Variants in PCDHGB5 observed in about 807,000 individuals in gnomAD.
PCDHGB5 encodes the protein protocadherin gamma-B5.
A neutral mutation model predicts 62.9 loss-of-function variants in PCDHGB5; 48 were observed. The observed-to-expected ratio is 0.76, with a 90% CI of 0.61 to 0.97. The LOEUF is 0.97. Ranked by LOEUF, PCDHGB5 falls within the 50% of genes least tolerant of loss-of-function variation. The pLI, the probability that PCDHGB5 is intolerant of heterozygous loss-of-function variation, is 0.00. For synonymous variants in PCDHGB5, 474 were observed against 511.2 expected (o/e 0.93, Z 0.98); for missense variants, 1,118 against 1,198.6 (o/e 0.93, Z 0.99).
intron 1 of PCDHGB5, among the ~76,000 whole-genome samples, chr5:141,480,976 T>G (rs1485868136): frequency 6.6e-6 from 1 of 152,108 alleles, no homozygotes; most frequent in Non-Finnish European, 1.5e-5. Context: ...GGAGAATCAG[T>G]GAACCCAGGA....
chr5:141,426,270 G>A lies in PCDHGB5; in HGVS notation c.2397+25746G>A, dbSNP rs999517850. On this transcript the variant is annotated intron_variant, in intron 1 of 3. Coordinates refer to ENST00000617380, the MANE Select transcript of PCDHGB5 (RefSeq NM_018925.3). Reference sequence around the variant, plus strand: ...TTTTCTCTTAACGTCGGAGACTGCAGCAACGCATGGGAAGGATGGGAAACA... The same window carrying A: ...TTTTCTCTTAACGTCGGAGACTGCAACAACGCATGGGAAGGATGGGAAACA... 2.6e-4 allele frequency: 43 copies of A among 163,626 alleles called. 1 individual carries two copies. The highest frequency in any genetic ancestry group is 3.0e-3 in the Middle Eastern group (1 of 328). 10.1% of individuals were successfully genotyped at this position (163,626 alleles called of 1,614,324 possible).
At chr5:141,502,534 C>T (rs565889110) in intron 2 of PCDHGB5, among the ~76,000 whole-genome samples, 10 of 152,074 alleles carry the variant, frequency 6.6e-5, no homozygotes, top group Non-Finnish European at 1.0e-4. Context: ...CGAGTTTGTT[C>T]GTGTGGTAAA....
In PCDHGB5 at chr5:141,478,182, A is replaced by T. The variant is rs777228133; in HGVS notation, c.2398-16625A>T. The T allele has an allele frequency of 5.0e-6, 8 of 1,613,866 alleles. No individual in the cohort carries two copies. In the South Asian group the frequency reaches 8.8e-5, roughly 18 times the overall value. ...TCTGCCCCCCGGGAGCAGAAAAAAA[A>T]TCTCACCTTTTATCTACTTCTTTCT... is the stretch of plus-strand genomic sequence containing the variant. On this transcript the variant is annotated intron_variant, in intron 1 of 3. Transcript: ENST00000617380.
intron 1 of PCDHGB5, chr5:141,413,303 T>G (rs772421197): frequency 6.8e-6 from 11 of 1,613,942 alleles, no homozygotes; most frequent in Middle Eastern, 3.3e-4. Flanking sequence ...CCTGAGGAAT[T>G]AGAGAAAGGC....
chr5:141,497,957 A>G (rs2099780682), intron 2 of PCDHGB5, among the ~76,000 whole-genome samples: 1 of 152,242 alleles, frequency 6.6e-6, no homozygotes, highest in Non-Finnish European at 1.5e-5. Flanking sequence ...TCTGTTGGCC[A>G]GGCAGTGTTC....
intron 1 of PCDHGB5, chr5:141,405,402 C>T: frequency 6.3e-7 from 1 of 1,589,724 alleles, no homozygotes; most frequent in Non-Finnish European, 8.6e-7. Flanking sequence ...TTCTTTCTTT[C>T]TTTTCTTTTT....
Position 141,476,788 on chromosome 5 carries a change from C to G in PCDHGB5, c.2398-18019C>G. 1 of 1,613,478 alleles carries G rather than the reference C, an allele frequency of 6.2e-7. No homozygotes were observed. Among genetic ancestry groups the G allele is most frequent in the Non-Finnish European group, 8.5e-7 (1 of 1,180,032 alleles). ...CGTTGGACGGAGGGACCCCAGCTCT[C>G]TCCGCCAGCCTGCCTATTCACATCA... On this transcript the variant is annotated intron_variant, in intron 1 of 3. Coordinates refer to ENST00000617380, the MANE Select transcript of PCDHGB5 (RefSeq NM_018925.3). This position sits in a 1 kb window ranked among gnomAD's most constrained non-coding sequence, Gnocchi z 7.6.
chr5:141,413,045 G>A, intron 1 of PCDHGB5: 1 of 894,362 alleles, frequency 1.1e-6, no homozygotes, highest in South Asian at 1.9e-5. Flanking sequence ...CTGGGCTGCA[G>A]GGAAGCTCAC....
chr5:141,457,410 C>G (rs746966828), intron 1 of PCDHGB5, among the ~76,000 whole-genome samples: 1 of 152,182 alleles, frequency 6.6e-6, no homozygotes, highest in Non-Finnish European at 1.5e-5. Context: ...TTTCACATTA[C>G]CCATCCCTTT....
intron 1 of PCDHGB5, chr5:141,408,066 G>T: frequency 7.3e-7 from 1 of 1,364,656 alleles, no homozygotes; most frequent in Non-Finnish European, 9.7e-7. Flanking sequence ...CGGCTGCGCA[G>T]ACCTTTCCCA....
chr5:141,466,885 G>A (rs997982577), intron 1 of PCDHGB5, among the ~76,000 whole-genome samples: 3 of 151,938 alleles, frequency 2.0e-5, no homozygotes, highest in Non-Finnish European at 4.4e-5. Context: ...TTCATAATAT[G>A]CATTTTCCAT....
intron 1 of PCDHGB5, chr5:141,419,835 C>T: frequency 1.2e-6 from 2 of 1,614,084 alleles, no homozygotes; most frequent in African/African-American, 1.3e-5. Flanking sequence ...GCCACTGCCA[C>T]GCTGCACCTG....
At chr5:141,460,724 A>C (rs1294708205) in intron 1 of PCDHGB5, among the ~76,000 whole-genome samples, 1 of 152,114 alleles carries the variant, frequency 6.6e-6, no homozygotes, top group African/African-American at 2.4e-5. Context: ...TGTTATAAGC[A>C]TATATACACA....
At chr5:141,419,471 G>A in intron 1 of PCDHGB5, 1 of 1,612,462 alleles carries the variant, frequency 6.2e-7, no homozygotes, top group Non-Finnish European at 8.5e-7. Context: ...CCGCGACCAG[G>A]GCTCGCCCGC....
chr5:141,462,070 G>C lies in PCDHGB5; in HGVS notation c.2398-32737G>C, dbSNP rs572217894. Among the ~76,000 whole-genome samples, 18 of 152,196 alleles carry C rather than the reference G, an allele frequency of 1.2e-4. No individual in the cohort carries two copies. In the South Asian group the frequency reaches 3.7e-3, roughly 32 times the overall value. On this transcript the variant is annotated intron_variant, in intron 1 of 3. Coordinates refer to ENST00000617380, the MANE Select transcript of PCDHGB5 (RefSeq NM_018925.3). ...ACTCCCGACCTCAGGTGATCTGCCC[G>C]CCTTGGCCTCCCAAAATGCTGGGAT...
intron 1 of PCDHGB5, among the ~76,000 whole-genome samples, chr5:141,401,908 T>C (rs942184637): frequency 1.3e-5 from 2 of 152,238 alleles, no homozygotes; most frequent in Admixed American, 1.3e-4. Flanking sequence ...CAAATTATTA[T>C]ATAAGTTTAA....
chr5:141,476,421 C>T lies in PCDHGB5; in HGVS notation c.2398-18386C>T, dbSNP rs765688262. On this transcript the variant is annotated intron_variant, in intron 1 of 3. Coordinates refer to ENST00000617380, the MANE Select transcript of PCDHGB5 (RefSeq NM_018925.3). The surrounding 1 kb of genome is among the most constrained non-coding windows in gnomAD (Gnocchi z 7.6). ...CGAGAGGAGCTGTGTGGGACACTGC[C>T]CTCTTGCACTGTAACTCTGGAGTTG... 1 of 1,614,026 alleles carries T rather than the reference C, an allele frequency of 6.2e-7. No homozygotes were observed. The highest frequency in any genetic ancestry group is 8.5e-7 in the Non-Finnish European group (1 of 1,179,994).
Position 141,486,087 on chromosome 5 carries a change from T to G in PCDHGB5, c.2398-8720T>G. 4 of 1,614,176 alleles carry G rather than the reference T, an allele frequency of 2.5e-6. No individual in the cohort carries two copies. The highest frequency in any genetic ancestry group is 3.4e-6 in the Non-Finnish European group (4 of 1,180,028). ...CCCACTACTGGAAAGCTTACTCTTT[T>G]GGGGCCCCTAGACTTTGAGAGTGAG... On this transcript the variant is annotated intron_variant, in intron 1 of 3. Coordinates refer to ENST00000617380, the MANE Select transcript of PCDHGB5 (RefSeq NM_018925.3). This position sits in a 1 kb window ranked among gnomAD's most constrained non-coding sequence, Gnocchi z 5.0.
chr5:141,466,969 C>T (rs2099133068), intron 1 of PCDHGB5, among the ~76,000 whole-genome samples: 1 of 152,068 alleles, frequency 6.6e-6, no homozygotes, highest in African/African-American at 2.4e-5. Flanking sequence ...TATTTTCTCA[C>T]AGCTCATCAT....
Sources: gnomAD v4.1 joint callset for allele counts (sites outside exome capture counted in the v4.1 genomes callset) on GRCh38, gnomAD v4.1.1 for gene constraint, Gnocchi (gnomAD v3.1) non-coding constraint, MANE v1.5 for transcripts, NCBI Gene and HGNC (gene_info 2026-07-23, HGNC 2026-07-21) for gene names.